CFAP46: variants seen among roughly 807,000 people sequenced by gnomAD.
CFAP46 encodes cilia and flagella associated protein 46.
In CFAP46, 245 loss-of-function variants were observed where a neutral mutation model predicts 325.7. The ratio of observed to expected loss-of-function variants is 0.75; its 90% CI spans 0.68 to 0.84. The LOEUF (loss-of-function observed/expected upper bound fraction) is 0.84. Among genes scored for constraint, CFAP46 ranks in the 40% least tolerant of loss-of-function variants. The pLI is 0.00. For synonymous variants in CFAP46, 1,523 were observed against 1,495.9 expected, an observed-to-expected ratio of 1.02 and a Z score of -0.42; for missense variants, 3,346 against 3,543.0, an observed-to-expected ratio of 0.94 and a Z score of 1.41.
chr10:132,900,415 T>C (rs1055254906), intron 22 of CFAP46, among the ~76,000 whole-genome samples: 10 of 152,220 alleles, frequency 6.6e-5, no homozygotes, highest in African/African-American at 2.4e-4. Flanking sequence ...ATTCTCGCCA[T>C]GGATGGGGGA....
chr10:132,905,665 G>A (rs12771512), intron 22 of CFAP46, among the ~76,000 whole-genome samples: 1 of 152,298 alleles, frequency 6.6e-6, no homozygotes, highest in South Asian at 2.1e-4. Flanking sequence ...TGCTTCAAGT[G>A]GTGGCTGCTG....
chr10:132,924,217 TGGTCC>T lies in CFAP46; in HGVS notation c.1256+474_1256+478del, dbSNP rs1225660621. Among the ~76,000 whole-genome samples, 193 of 151,780 alleles carry T rather than the reference TGGTCC, an allele frequency of 1.3e-3. 1 individual carries two copies. The highest frequency in any genetic ancestry group is 4.5e-3 in the African/African-American group (188 of 41,388). On this transcript the variant is annotated intron_variant, in intron 11 of 57. Transcript: ENST00000368586. ...CCTGATGCCTGCCGCCTGCCTGCCA[TGGTCC>T]ACCCTGATGCCTGCCGCCTGCCTGC... is the stretch of plus-strand genomic sequence containing the variant.
intron 39 of CFAP46, among the ~76,000 whole-genome samples, chr10:132,856,399 ATTAG>A (rs1848642903): frequency 6.6e-6 from 1 of 151,684 alleles, no homozygotes; most frequent in Admixed American, 6.6e-5. Context: ...ATTTTCAGTC[ATTAG>A]TTATTCAAAT....
At chr10:132,834,863 G>C in intron 47 of CFAP46, 88 bp from the exon 48 acceptor site, 1 of 1,480,560 alleles carries the variant, frequency 6.8e-7, no homozygotes, top group Non-Finnish European at 9.0e-7. Flanking sequence ...GAAAGGCCGA[G>C]CTCCTGCCCC....
intron 50 of CFAP46, among the ~76,000 whole-genome samples, chr10:132,824,680 G>GC (rs1847997265): frequency 9.6e-6 from 1 of 104,298 alleles, no homozygotes; most frequent in Non-Finnish European, 1.9e-5. Context: ...GCTGTGTGCT[G>GC]ATGTGTGCTG....
At position 132,876,406 on chromosome 10, in the gene CFAP46, G is replaced by C. The variant is rs771154809; in HGVS notation, c.4362+406C>G. 6.6e-6 allele frequency among the ~76,000 whole-genome samples: 1 copy of C among 152,222 alleles called. No individual in the cohort carries two copies. Among genetic ancestry groups the C allele is most frequent in the Non-Finnish European group, 1.5e-5 (1 of 68,046 alleles). Reference sequence around the variant, plus strand: ...TGACCACAGAGGCTGACCGGGATGAGGAAAGAGGGATCTTCCCCGGCCCCT... The same window carrying C: ...TGACCACAGAGGCTGACCGGGATGACGAAAGAGGGATCTTCCCCGGCCCCT... On this transcript the variant is annotated intron_variant, in intron 31 of 57. Transcript: ENST00000368586. The surrounding 1 kb of genome is among the most constrained non-coding windows in gnomAD (Gnocchi z 4.1).
intron 44 of CFAP46, 101 bp from the exon 45 acceptor site, chr10:132,837,015 C>G: frequency 7.5e-6 from 7 of 931,906 alleles, no homozygotes; most frequent in East Asian, 2.5e-5. Flanking sequence ...AGAGCCACGG[C>G]GGGGGCTTTG....
At chr10:132,816,797 T>C (rs976997087) in intron 50 of CFAP46, among the ~76,000 whole-genome samples, 2 of 152,152 alleles carry the variant, frequency 1.3e-5, no homozygotes, top group Admixed American at 1.3e-4. Context: ...TCCCATGAGA[T>C]ATTTAGAAGT....
chr10:132,938,281 C>A (rs1850041661), intron 5 of CFAP46, among the ~76,000 whole-genome samples: 1 of 152,234 alleles, frequency 6.6e-6, no homozygotes. Flanking sequence ...ATTTTAAGAA[C>A]TAAGATTGTA....
intron 6 of CFAP46, 28 bp downstream of exon 6, chr10:132,937,524 C>A: frequency 6.2e-7 from 1 of 1,612,118 alleles, no homozygotes; most frequent in Non-Finnish European, 8.5e-7. Flanking sequence ...TTACTTCTTA[C>A]GTCTCTATTT....
At chr10:132,850,109 G>T in intron 41 of CFAP46, 135 bp downstream of exon 41, 1 of 882,514 alleles carries the variant, frequency 1.1e-6, no homozygotes, top group Non-Finnish European at 1.8e-6. Context: ...CTTCCCTCAC[G>T]CCTACTTCCT....
At chr10:132,854,188 C>T (rs1848604240) in intron 39 of CFAP46, among the ~76,000 whole-genome samples, 2 of 152,214 alleles carry the variant, frequency 1.3e-5, no homozygotes, top group African/African-American at 4.8e-5. Flanking sequence ...ACATCTTAAA[C>T]ACTTTGATAG....
In CFAP46 at chr10:132,920,195, A is replaced by G; in HGVS notation, c.1607-13T>C. On this transcript the variant is annotated splice_polypyrimidine_tract_variant and intron_variant, in intron 13 of 57. Coordinates refer to ENST00000368586, the MANE Select transcript of CFAP46 (RefSeq NM_001200049.3). Reference sequence around the variant, plus strand: ...TTCCCGGTGGAGACTGAGGGCGGAAATGCAAAGGCAGGTGTTGCAGCTGCT... The same window carrying G: ...TTCCCGGTGGAGACTGAGGGCGGAAGTGCAAAGGCAGGTGTTGCAGCTGCT... 6.6e-7 allele frequency: 1 copy of G among 1,524,384 alleles called. No homozygotes were observed. Among genetic ancestry groups the G allele is most frequent in the Non-Finnish European group, 8.8e-7 (1 of 1,135,928 alleles). The allele number at this position is 1,524,384 out of a possible 1,614,324, so 94.4% of individuals were successfully genotyped here.
At chr10:132,809,503 G>T (rs1397261842) in intron 57 of CFAP46, among the ~76,000 whole-genome samples, 1 of 152,106 alleles carries the variant, frequency 6.6e-6, no homozygotes, top group East Asian at 1.9e-4. Flanking sequence ...AACAAGCAGG[G>T]ATCCTTGGGA....
In CFAP46 at chr10:132,909,952, C is replaced by A; in HGVS notation, c.2616G>T (p.Gln872His). The A allele has an allele frequency of 6.6e-7, 1 of 1,526,478 alleles. No individual in the cohort carries two copies. The allele number at this position is 1,526,478 out of a possible 1,614,324, so 94.6% of individuals were successfully genotyped here. ...TWVKAKQLLQQQIGPRLGTEE... is the reference protein window; with the variant it reads ...TWVKAKQLLQHQIGPRLGTEE... ...CGGTGCCCAGCCGTGGCCCAATCTGCTGCTGCAGCAGCTGCTTGGCCTTGA... is the reference window on the plus strand; with the variant it reads ...CGGTGCCCAGCCGTGGCCCAATCTGATGCTGCAGCAGCTGCTTGGCCTTGA... The change falls in exon 20 of 58, where the codon CAG becomes CAT. Residue 872 changes from glutamine to histidine, a missense_variant. Transcript: ENST00000368586.
intron 35 of CFAP46, among the ~76,000 whole-genome samples, chr10:132,865,256 C>A (rs116086426): frequency 6.6e-6 from 1 of 152,190 alleles, no homozygotes; most frequent in African/African-American, 2.4e-5. Context: ...GAAAAGCACC[C>A]GTGGGCCTCC....
intron 10 of CFAP46, among the ~76,000 whole-genome samples, chr10:132,925,937 C>T (rs1219384615): frequency 6.6e-6 from 1 of 152,266 alleles, no homozygotes; most frequent in Non-Finnish European, 1.5e-5. Flanking sequence ...TCCCAGCCGA[C>T]CCTGTGGCAC....
At chr10:132,925,502 G>C (rs1243941249) in intron 10 of CFAP46, among the ~76,000 whole-genome samples, 2 of 152,256 alleles carry the variant, frequency 1.3e-5, no homozygotes, top group Non-Finnish European at 2.9e-5. Context: ...GAGGTCCTCA[G>C]CAGGTGAGTC....
intron 29 of CFAP46, 46 bp downstream of exon 29, chr10:132,879,380 T>A: frequency 6.9e-7 from 1 of 1,443,550 alleles, no homozygotes; most frequent in Non-Finnish European, 9.1e-7. Context: ...CCGCGGCCCG[T>A]CCCGGGAGGT....
Sources: gnomAD v4.1 joint callset for allele counts (sites outside exome capture counted in the v4.1 genomes callset) on GRCh38, gnomAD v4.1.1 for gene constraint, Gnocchi (gnomAD v3.1) non-coding constraint, MANE v1.5 for transcripts, NCBI Gene and HGNC (gene_info 2026-07-23, HGNC 2026-07-21) for gene names.